Variants in LDLRAD4 observed in about 807,000 individuals in gnomAD.
LDLRAD4 encodes low density lipoprotein receptor class A domain containing 4.
Under a neutral mutation model 17.0 loss-of-function variants are expected in LDLRAD4, and 5 were observed. The observed-to-expected ratio is 0.29, with a 90% CI of 0.15 to 0.62. The LOEUF is 0.62. LDLRAD4 is among the 20% of genes least tolerant of loss of function. LDLRAD4 has a pLI of 0.84. For missense variants in LDLRAD4, 340 were observed against 424.7 expected, an observed-to-expected ratio of 0.80 and a Z score of 1.75; for synonymous variants, 168 against 171.8, an observed-to-expected ratio of 0.98 and a Z score of 0.17.
chr18:13,317,240 A>G (rs1465869289), intron 1 of LDLRAD4, among the ~76,000 whole-genome samples: 31 of 152,172 alleles, frequency 2.0e-4, no homozygotes, highest in Non-Finnish European at 5.9e-5. Flanking sequence ...ATAGCCACAA[A>G]AAAGATATTT....
At chr18:13,605,859 A>G (rs981246051) in intron 3 of LDLRAD4, among the ~76,000 whole-genome samples, 5 of 152,180 alleles carry the variant, frequency 3.3e-5, no homozygotes, top group Non-Finnish European at 7.3e-5. Context: ...CATCCAGGTG[A>G]GGAGTCTGGA....
intron 1 of LDLRAD4, among the ~76,000 whole-genome samples, chr18:13,233,533 T>C (rs2042186899): frequency 6.6e-6 from 1 of 152,208 alleles, no homozygotes; most frequent in Admixed American, 6.5e-5. Context: ...TGCTGTTTTA[T>C]GGAAACCTTC....
chr18:13,453,751 G>A (rs1331873858), intron 3 of LDLRAD4, among the ~76,000 whole-genome samples: 1 of 152,276 alleles, frequency 6.6e-6, no homozygotes, highest in Non-Finnish European at 1.5e-5. Context: ...TCTGCAGGGC[G>A]CCCGGTGCTC....
At position 13,535,581 on chromosome 18, in the gene LDLRAD4, C is replaced by T. The variant is rs529643110; in HGVS notation, c.182-85536C>T. ...AACTTTTTGTTAGATATATATTTTCCGCAAATATTTTCTCCTAGTCTGTGG... is the reference window on the plus strand; with the variant it reads ...AACTTTTTGTTAGATATATATTTTCTGCAAATATTTTCTCCTAGTCTGTGG... On this transcript the variant is annotated intron_variant, in intron 3 of 5. Coordinates refer to ENST00000359446, the Ensembl canonical transcript of LDLRAD4. Among the ~76,000 whole-genome samples the T allele has an allele frequency of 1.4e-4, 21 of 151,984 alleles. No homozygotes were observed. In the East Asian group the frequency reaches 4.0e-3, roughly 29 times the overall value.
At chr18:13,529,395 T>A (rs2094091785) in intron 3 of LDLRAD4, among the ~76,000 whole-genome samples, 1 of 152,252 alleles carries the variant, frequency 6.6e-6, no homozygotes, top group African/African-American at 2.4e-5. Context: ...CCTGGAACAC[T>A]GATGCCTGTT....
chr18:13,627,414 CCTGT>C (rs1251983652), intron 4 of LDLRAD4, among the ~76,000 whole-genome samples: 1 of 152,124 alleles, frequency 6.6e-6, no homozygotes, highest in Non-Finnish European at 1.5e-5. Flanking sequence ...CGGGCTGTCA[CCTGT>C]CTCTCGCTGG....
chr18:13,391,617 A>T (rs556305137), intron 2 of LDLRAD4, among the ~76,000 whole-genome samples: 4 of 152,334 alleles, frequency 2.6e-5, no homozygotes, highest in East Asian at 3.9e-4. Flanking sequence ...TCAAAAATTA[A>T]TTTTTTCCTT....
At position 13,347,887 on chromosome 18, in the gene LDLRAD4, G is replaced by A. The variant is rs940394274; in HGVS notation, c.-382-39454G>A. On this transcript the variant is annotated intron_variant, in intron 1 of 5. Coordinates refer to ENST00000359446, the Ensembl canonical transcript of LDLRAD4. ...ATCAGCTACTGAGGCTTGCGCATTC[G>A]TCACATAGTTCTCGTGCCATGGTTT... Among the ~76,000 whole-genome samples, 11 of 152,084 alleles carry A rather than the reference G, an allele frequency of 7.2e-5. No individual in the cohort carries two copies. In the East Asian group the frequency reaches 1.3e-3, roughly 19 times the overall value.
intron 1 of LDLRAD4, among the ~76,000 whole-genome samples, chr18:13,373,765 C>T (rs2084691253): frequency 6.6e-6 from 1 of 152,166 alleles, no homozygotes; most frequent in Non-Finnish European, 1.5e-5. Flanking sequence ...ATAAATGCTA[C>T]TTTTTTGTGA....
intron 3 of LDLRAD4, among the ~76,000 whole-genome samples, chr18:13,537,655 C>T (rs898453945): frequency 6.6e-6 from 1 of 152,096 alleles, no homozygotes; most frequent in Admixed American, 6.5e-5. Context: ...GGACCCCTGC[C>T]GTACAGTATA....
intron 1 of LDLRAD4, among the ~76,000 whole-genome samples, chr18:13,255,744 G>A (rs2043468865): frequency 6.6e-6 from 1 of 152,152 alleles, no homozygotes; most frequent in Admixed American, 6.5e-5. Context: ...CCCCAGGCCA[G>A]GGCTGTGGGG....
intron 2 of LDLRAD4, among the ~76,000 whole-genome samples, chr18:13,423,218 C>T (rs543225083): frequency 6.6e-5 from 10 of 152,006 alleles, no homozygotes; most frequent in South Asian, 2.1e-4. Flanking sequence ...CTTGGCAGGG[C>T]GTGGTGGCTC....
intron 1 of LDLRAD4, among the ~76,000 whole-genome samples, chr18:13,221,148 G>A (rs192402572): frequency 7.2e-5 from 11 of 152,344 alleles, no homozygotes; most frequent in Admixed American, 2.0e-4. Flanking sequence ...CCCTCAAGAA[G>A]TGATAAAACA....
intron 3 of LDLRAD4, among the ~76,000 whole-genome samples, chr18:13,444,329 C>T (rs1029323085): frequency 6.6e-6 from 1 of 152,196 alleles, no homozygotes; most frequent in Non-Finnish European, 1.5e-5. Context: ...GGTTAAACTC[C>T]AGGCGTGCAG....
In LDLRAD4 at chr18:13,594,665, C is replaced by CAAAAAAAAAAAAAAAAA. The variant is rs56035558; in HGVS notation, c.182-26444_182-26428dup. Among the ~76,000 whole-genome samples, 162 of 29,540 alleles carry CAAAAAAAAAAAAAAAAA rather than the reference C, an allele frequency of 5.5e-3. 4 individuals carry two copies. The highest frequency in any genetic ancestry group is 6.3e-3 in the African/African-American group (72 of 11,432). 19.4% of individuals were successfully genotyped at this position (29,540 alleles called of 152,430 possible). A position where few individuals can be genotyped will look rare whatever the true frequency, so the allele number is the denominator to read the frequency against. On this transcript the variant is annotated intron_variant, in intron 3 of 5. Coordinates refer to ENST00000359446, the Ensembl canonical transcript of LDLRAD4. ...TGGGTGACAGAGCAAGATTCCATCT[C>CAAAAAAAAAAAAAAAAA]AAAAAAAAAAAAAAAAAAAAAAAAG...
chr18:13,356,363 G>A (rs1032084102), intron 1 of LDLRAD4, among the ~76,000 whole-genome samples: 5 of 152,322 alleles, frequency 3.3e-5, no homozygotes, highest in Admixed American at 1.3e-4. Context: ...CAAAGGACCC[G>A]GGTAAATGCA....
At chr18:13,379,997 C>CCCCTGCCCGCCAGCT (rs1415449577) in intron 1 of LDLRAD4, among the ~76,000 whole-genome samples, 5 of 152,146 alleles carry the variant, frequency 3.3e-5, no homozygotes, top group Non-Finnish European at 7.4e-5. Context: ...GCCCGCCAGC[C>CCCCTGCCCGCCAGCT]CCCTGCCCGT....
chr18:13,565,384 T>TGGGCCA (rs141780431), intron 3 of LDLRAD4, among the ~76,000 whole-genome samples: 29,989 of 151,954 alleles, frequency 0.2, 3,201 homozygotes, highest in East Asian at 0.4. Flanking sequence ...AGCGCCAAGC[T>TGGGCCA]GGGCCAGGGC....
At position 13,284,851 on chromosome 18, in the gene LDLRAD4, G is replaced by A. The variant is rs529611563; in HGVS notation, c.-383+6663G>A. On this transcript the variant is annotated intron_variant, in intron 1 of 5. Coordinates refer to ENST00000359446, the Ensembl canonical transcript of LDLRAD4. ...GTCAGGTTCCTGAGATGACTCGCCCGTGGCAGCTGGTGCCAGTGTTAACAG... is the reference window on the plus strand; with the variant it reads ...GTCAGGTTCCTGAGATGACTCGCCCATGGCAGCTGGTGCCAGTGTTAACAG... 1.1e-4 allele frequency among the ~76,000 whole-genome samples: 17 copies of A among 152,338 alleles called. No homozygotes were observed. In the East Asian group the frequency reaches 1.4e-3, roughly 12 times the overall value.
Sources: allele counts gnomAD v4.1 joint callset (sites outside exome capture counted in the v4.1 genomes callset), GRCh38; gene constraint gnomAD v4.1.1; transcripts MANE v1.5; gene names NCBI Gene and HGNC (gene_info 2026-07-23, HGNC 2026-07-21).